DOCK1: variants seen among roughly 807,000 people sequenced by gnomAD.
DOCK1 encodes the protein dedicator of cytokinesis protein 1.
DOCK1 carries 138 observed loss-of-function variants against 262.7 expected under a neutral mutation model. That is an observed-to-expected ratio of 0.53 (90% confidence interval 0.46 to 0.61). The LOEUF is 0.61. Ranked by LOEUF, DOCK1 falls within the 20% of genes least tolerant of loss-of-function variation. The probability of loss-of-function intolerance (pLI) is 0.00; values close to 1 mark genes in which losing one functional copy is unlikely to be tolerated. For synonymous variants in DOCK1, 866 were observed against 867.4 expected, an observed-to-expected ratio of 1.00 and a Z score of 0.03; for missense variants, 1,908 against 2,370.7, an observed-to-expected ratio of 0.80 and a Z score of 4.05.
intron 49 of DOCK1, among the ~76,000 whole-genome samples, chr10:127,441,569 A>C (rs2070138135): frequency 6.6e-6 from 1 of 152,132 alleles, no homozygotes; most frequent in African/African-American, 2.4e-5. Context: ...ACAGTCAGAC[A>C]CCTGAAGTTT....
chr10:127,024,944 T>TG (rs2042722366), intron 15 of DOCK1, 161 bp downstream of exon 15: 2 of 572,094 alleles, frequency 3.5e-6, no homozygotes, highest in Middle Eastern at 4.7e-4. Context: ...ACCACACTGG[T>TG]GTTTCTTAGA....
chr10:127,200,298 C>T (rs947869342), intron 27 of DOCK1, among the ~76,000 whole-genome samples: 10 of 152,330 alleles, frequency 6.6e-5, no homozygotes, highest in African/African-American at 2.4e-4. Flanking sequence ...AGGAGGAATG[C>T]GTCCAGCCTA....
rs2135441748 is a variant in DOCK1 at position 127,302,760 on chromosome 10, G to GTGTGTT, written c.3045-36241_3045-36240insTTGTGT. On this transcript the variant is annotated intron_variant, in intron 29 of 51. Transcript: ENST00000623213. ...AGAGGGGGTGTGTGTGTGTGTGTGTGTGTGTGTGTGTGTGTGTGTGTGTGT... is the reference window on the plus strand; with the variant it reads ...AGAGGGGGTGTGTGTGTGTGTGTGTGTGTGTTTGTGTGTGTGTGTGTGTGTGTGTGT... Among the ~76,000 whole-genome samples the GTGTGTT allele has an allele frequency of 2.0e-5, 3 of 151,214 alleles. No individual in the cohort carries two copies. In the South Asian group the frequency reaches 6.3e-4, roughly 32 times the overall value.
intron 6 of DOCK1, among the ~76,000 whole-genome samples, chr10:126,992,829 G>C (rs1233117229): frequency 2.0e-5 from 3 of 151,762 alleles, no homozygotes; most frequent in Middle Eastern, 3.2e-3. Flanking sequence ...ATTTCAGGTG[G>C]GGAGGTCTCC....
At chr10:126,999,544 C>A in intron 9 of DOCK1, 109 bp downstream of exon 9, 1 of 853,774 alleles carries the variant, frequency 1.2e-6, no homozygotes, top group Admixed American at 2.3e-5. Flanking sequence ...CCTGGGATGC[C>A]TGTATACAGG....
At position 126,935,052 on chromosome 10, in the gene DOCK1, G is replaced by A. The variant is rs1165736256; in HGVS notation, c.46+29489G>A. ...GTGAACCCAGGAGGCGGAGCTTGCA[G>A]TGAGCGGATCACGCCACTGCACTCC... On this transcript the variant is annotated intron_variant, in intron 1 of 51. Transcript: ENST00000623213. Among the ~76,000 whole-genome samples the A allele has an allele frequency of 1.3e-5, 2 of 152,226 alleles. 1 individual carries two copies. The highest frequency in any genetic ancestry group is 2.9e-5 in the Non-Finnish European group (2 of 68,036).
intron 16 of DOCK1, among the ~76,000 whole-genome samples, chr10:127,029,769 G>C (rs1406888615): frequency 6.6e-6 from 1 of 152,132 alleles, no homozygotes; most frequent in African/African-American, 2.4e-5. Flanking sequence ...TGCACTTACT[G>C]TACTACTTAC....
chr10:127,025,940 C>T (rs945408621), intron 15 of DOCK1: 6 of 210,524 alleles, frequency 2.9e-5, no homozygotes, highest in African/African-American at 9.6e-5. Flanking sequence ...CCTGTAATCC[C>T]AGCTACTCGA....
chr10:127,417,214 G>A (rs902144058), intron 44 of DOCK1, among the ~76,000 whole-genome samples: 4 of 152,220 alleles, frequency 2.6e-5, no homozygotes, highest in African/African-American at 9.6e-5. Flanking sequence ...TTATTGCTGA[G>A]GTCACCCTGG....
At chr10:127,023,387 G>A (rs781179099) in intron 14 of DOCK1, 63 bp downstream of exon 14, 2 of 1,601,656 alleles carry the variant, frequency 1.2e-6, no homozygotes, top group Non-Finnish European at 1.7e-6. Context: ...TGCTCACCTT[G>A]GCTCTGCTAC....
intron 1 of DOCK1, among the ~76,000 whole-genome samples, chr10:126,957,136 A>G (rs1163420500): frequency 6.6e-6 from 1 of 152,188 alleles, no homozygotes. Flanking sequence ...AGAGGGCTCG[A>G]TTGGTTTTTA....
intron 29 of DOCK1, among the ~76,000 whole-genome samples, chr10:127,266,506 C>CACACACAT (rs1554935855): frequency 7.4e-6 from 1 of 135,704 alleles, no homozygotes; most frequent in African/African-American, 2.5e-5. Flanking sequence ...CACACACACA[C>CACACACAT]ATATATATAG....
At chr10:127,410,162 A>C (rs2067758755) in intron 42 of DOCK1, among the ~76,000 whole-genome samples, 1 of 152,218 alleles carries the variant, frequency 6.6e-6, no homozygotes, top group Admixed American at 6.5e-5. Context: ...ACCTTGCATC[A>C]GCAATAATGG....
In DOCK1 at chr10:127,125,522, A is replaced by G; in HGVS notation, c.2672A>G (p.His891Arg). 1 of 1,613,868 alleles carries G rather than the reference A, an allele frequency of 6.2e-7. No individual in the cohort carries two copies. The highest frequency in any genetic ancestry group is 8.5e-7 in the Non-Finnish European group (1 of 1,179,868). The change falls in exon 26 of 52, where the codon CAT becomes CGT. Residue 891 changes from histidine (H) to arginine (R), a missense_variant. By Grantham distance (29) the His-to-Arg change is conservative (BLOSUM62 0). Coordinates refer to ENST00000623213, the MANE Select transcript of DOCK1 (RefSeq NM_001290223.2). ...LPMMTDQLKYHLERQEDLEAC... is the reference protein window; with the variant it reads ...LPMMTDQLKYRLERQEDLEAC... Reference sequence around the variant, plus strand: ...ATGATGACCGATCAGCTCAAGTACCATCTGGAGAGACAGGAGGACCTGGAG... The same window carrying G: ...ATGATGACCGATCAGCTCAAGTACCGTCTGGAGAGACAGGAGGACCTGGAG...
At chr10:127,323,899 C>G (rs2062645333) in intron 29 of DOCK1, among the ~76,000 whole-genome samples, 1 of 152,204 alleles carries the variant, frequency 6.6e-6, no homozygotes, top group South Asian at 2.1e-4. Flanking sequence ...TTCAGTGCTT[C>G]CCTCACTGCT....
At chr10:126,981,655 C>A (rs74863438) in intron 3 of DOCK1, among the ~76,000 whole-genome samples, 3,172 of 152,290 alleles carry the variant, frequency 0.021, 110 homozygotes, top group African/African-American at 0.071. Context: ...TATGGAGCAG[C>A]CTGCAAATTG....
intron 1 of DOCK1, among the ~76,000 whole-genome samples, chr10:126,907,784 C>T (rs2031130264): frequency 6.6e-6 from 1 of 152,140 alleles, no homozygotes; most frequent in Admixed American, 6.5e-5. Flanking sequence ...TCACACCTTC[C>T]AGAAGCTTCA....
At chr10:126,997,024 T>C in intron 7 of DOCK1, 141 bp downstream of exon 7, 1 of 937,416 alleles carries the variant, frequency 1.1e-6, no homozygotes, top group African/African-American at 1.7e-5. Context: ...CCTACAGTCA[T>C]GAGTGGAATG....
chr10:127,124,614 A>G (rs180958313), intron 25 of DOCK1, among the ~76,000 whole-genome samples: 18 of 152,350 alleles, frequency 1.2e-4, no homozygotes, highest in Admixed American at 9.1e-4. Context: ...TCTGATCCTT[A>G]CACCATGGCA....
Sources: gnomAD v4.1 joint callset for allele counts (sites outside exome capture counted in the v4.1 genomes callset) on GRCh38, gnomAD v4.1.1 for gene constraint, MANE v1.5 for transcripts, NCBI Gene and HGNC (gene_info 2026-07-23, HGNC 2026-07-21) for gene names.